The following RAPH1 variants were observed in gnomAD, a reference collection of about 807,000 sequenced individuals.
RAPH1 encodes the protein Ras association (RalGDS/AF-6) and pleckstrin homology domains 1.
RAPH1 carries 18 observed loss-of-function variants against 88.1 expected under a neutral mutation model. The ratio of observed to expected loss-of-function variants is 0.20; its 90% confidence interval spans 0.14 to 0.30. RAPH1 has a LOEUF of 0.30. Ranked by LOEUF, RAPH1 falls within the 10% of genes least tolerant of loss-of-function variation. RAPH1 has a pLI of 1.00. For missense variants in RAPH1, 1,448 were observed against 1,543.2 expected, an observed-to-expected ratio of 0.94 and a Z score of 1.03; for synonymous variants, 587 against 559.0, an observed-to-expected ratio of 1.05 and a Z score of -0.71.
At position 203,508,179 on chromosome 2, in the gene RAPH1, G is replaced by A. The variant is rs538147281; in HGVS notation, c.1-12826C>T. The stretch of plus-strand genomic sequence containing the variant: ...AGCTTGTATAGTGAGCTGAGATAGC[G>A]CCACTGCACTCCAGCCTGGGCAACA... On this transcript the variant is annotated intron_variant, in intron 1 of 13. Coordinates refer to ENST00000319170, the MANE Select transcript of RAPH1 (RefSeq NM_213589.3). Among the ~76,000 whole-genome samples, 19 of 139,352 alleles carry A rather than the reference G, an allele frequency of 1.4e-4. No homozygotes were observed. The East Asian group carries it at 3.9e-3, about 29-fold the overall frequency. 91.4% of individuals were successfully genotyped at this position (139,352 alleles called of 152,430 possible). A position where few individuals can be genotyped will look rare whatever the true frequency, so the allele number is the denominator to read the frequency against.
intron 13 of RAPH1, chr2:203,441,750 C>G: frequency 7.8e-7 from 1 of 1,284,554 alleles, no homozygotes; most frequent in South Asian, 2.5e-5. Context: ...CACAGCCTGC[C>G]CTACATGGAA....
intron 1 of RAPH1, among the ~76,000 whole-genome samples, chr2:203,506,816 A>T (rs1451522997): frequency 1.1e-5 from 1 of 87,752 alleles, no homozygotes; most frequent in Admixed American, 1.4e-4. Context: ...CTATATCTAT[A>T]TATCTATATA....
intron 1 of RAPH1, among the ~76,000 whole-genome samples, chr2:203,517,593 C>T (rs1258492422): frequency 6.6e-6 from 1 of 151,988 alleles, no homozygotes. Flanking sequence ...GAATATACTC[C>T]AAGACAGATC....
intron 1 of RAPH1, among the ~76,000 whole-genome samples, chr2:203,499,917 T>C (rs1271407806): frequency 6.6e-6 from 1 of 152,228 alleles, no homozygotes; most frequent in African/African-American, 2.4e-5. Flanking sequence ...CATTTTCTTA[T>C]AGGCTGGGCA....
chr2:203,511,830 G>A (rs371761463), intron 1 of RAPH1, among the ~76,000 whole-genome samples: 7 of 152,090 alleles, frequency 4.6e-5, no homozygotes, highest in African/African-American at 1.4e-4. Flanking sequence ...TTTAAGAATC[G>A]GCCAGGCACG....
At chr2:203,506,063 G>A (rs1043402347) in intron 1 of RAPH1, among the ~76,000 whole-genome samples, 3 of 152,124 alleles carry the variant, frequency 2.0e-5, no homozygotes, top group Non-Finnish European at 4.4e-5. Context: ...CTTCACTTTT[G>A]TCCTACCTAT....
At chr2:203,461,823 A>T (rs1488889564) in intron 5 of RAPH1, 25 bp downstream of exon 5, 1 of 1,563,640 alleles carries the variant, frequency 6.4e-7, no homozygotes. Context: ...AAAAATCCCA[A>T]ACCAGGAAGA....
intron 8 of RAPH1, 56 bp from the exon 9 acceptor site, chr2:203,455,636 G>T: frequency 6.4e-7 from 1 of 1,552,172 alleles, no homozygotes; most frequent in Non-Finnish European, 8.8e-7. Flanking sequence ...TCAGAACAAA[G>T]TTGTGTTTAC....
Position 203,439,487 on chromosome 2 carries a change from G to A in RAPH1, c.3703C>T (p.Pro1235Ser). ...GYATLRRGPP[P>S]APPKRDQNTK... ...TTCTGGTCTCTTTTGGGGGGAGCAG[G>A]AGGGGGTCCTCTCCGCAACGTTGCA... Residue 1235 changes from proline to serine, a missense_variant, in exon 14 of 14, where the codon CCT (proline) becomes TCT (serine). Physicochemically the swap from Pro to Ser is moderately conservative, Grantham distance 74. Transcript: ENST00000319170. 6.2e-7 allele frequency: 1 copy of A among 1,614,032 alleles called. No homozygotes were observed. The highest frequency in any genetic ancestry group is 8.5e-7 in the Non-Finnish European group (1 of 1,180,024).
At chr2:203,484,008 C>T (rs1687847626) in intron 4 of RAPH1, among the ~76,000 whole-genome samples, 1 of 152,158 alleles carries the variant, frequency 6.6e-6, no homozygotes, top group Non-Finnish European at 1.5e-5. Context: ...GACAGCCTGT[C>T]ACATGACTTC....
chr2:203,455,703 T>G, intron 8 of RAPH1, 123 bp from the exon 9 acceptor site: 1 of 895,230 alleles, frequency 1.1e-6, no homozygotes, highest in Non-Finnish European at 1.7e-6. Flanking sequence ...AAAACCAAGC[T>G]GCTAATTTAA....
At chr2:203,517,288 T>C (rs1269695142) in intron 1 of RAPH1, among the ~76,000 whole-genome samples, 1 of 138,324 alleles carries the variant, frequency 7.2e-6, no homozygotes, top group Non-Finnish European at 1.5e-5. Flanking sequence ...TGATAAAGGG[T>C]CGAGTCTCCA....
At chr2:203,452,338 G>A (rs956337320) in intron 10 of RAPH1, among the ~76,000 whole-genome samples, 1 of 152,174 alleles carries the variant, frequency 6.6e-6, no homozygotes, top group African/African-American at 2.4e-5. Context: ...CTTAGAAGAT[G>A]AAATTACCAT....
intron 13 of RAPH1, chr2:203,442,163 T>A: frequency 7.2e-7 from 1 of 1,391,320 alleles, no homozygotes; most frequent in Non-Finnish European, 9.7e-7. Flanking sequence ...CAGAAGAAAT[T>A]AAGAGGAAGC....
At chr2:203,458,364 A>G (rs1370238028) in intron 7 of RAPH1, among the ~76,000 whole-genome samples, 5 of 152,066 alleles carry the variant, frequency 3.3e-5, no homozygotes, top group African/African-American at 9.7e-5. Context: ...CCATCTCAAA[A>G]AAAAACAAAA....
At chr2:203,522,976 C>T (rs1265233904) in intron 1 of RAPH1, among the ~76,000 whole-genome samples, 1 of 150,678 alleles carries the variant, frequency 6.6e-6, no homozygotes, top group East Asian at 2.0e-4. Context: ...GATTTCAAGA[C>T]TCACTATCCA....
chr2:203,485,410 CAAAAAA>C (rs71007521), intron 4 of RAPH1, among the ~76,000 whole-genome samples: 1 of 93,496 alleles, frequency 1.1e-5, no homozygotes, highest in African/African-American at 3.9e-5. Context: ...GACTCTGTCT[CAAAAAA>C]AAAAAAAAAA....
At chr2:203,503,411 A>T (rs949908399) in intron 1 of RAPH1, among the ~76,000 whole-genome samples, 1 of 152,140 alleles carries the variant, frequency 6.6e-6, no homozygotes, top group Non-Finnish European at 1.5e-5. Flanking sequence ...ACAAAATGTG[A>T]AGAAGCAAAA....
chr2:203,515,297 G>A (rs144673401), intron 1 of RAPH1, among the ~76,000 whole-genome samples: 1 of 152,158 alleles, frequency 6.6e-6, no homozygotes, highest in Non-Finnish European at 1.5e-5. Flanking sequence ...CATAACCATT[G>A]CAAGTTCTGT....
Sources: allele counts gnomAD v4.1 joint callset (sites outside exome capture counted in the v4.1 genomes callset), GRCh38; gene constraint gnomAD v4.1.1; transcripts MANE v1.5; gene names NCBI Gene and HGNC (gene_info 2026-07-23, HGNC 2026-07-21).